The following PROCR variants were observed in gnomAD, a reference collection of about 807,000 sequenced individuals.
PROCR encodes the protein protein C receptor, also known as endothelial protein C receptor.
In PROCR, 22 loss-of-function variants were observed where a neutral mutation model predicts 24.2. The observed-to-expected ratio is 0.91, with a 90% CI of 0.65 to 1.30. PROCR has a LOEUF of 1.30. Ranked by LOEUF, PROCR falls within the 50% of genes most tolerant of loss-of-function variation. The pLI is 0.00. For synonymous variants in PROCR, 137 were observed against 139.2 expected (o/e 0.98, Z 0.11); for missense variants, 288 against 307.7 (o/e 0.94, Z 0.48).
chr20:35,178,772 C>T (rs943074512), downstream of PROCR, among the ~76,000 whole-genome samples: 3 of 146,660 alleles, frequency 2.0e-5, no homozygotes, highest in South Asian at 2.2e-4. Flanking sequence ...ACCTCGGCCT[C>T]CCAAAGTGCT....
At chr20:35,178,506 A>ATTTTTTTTT (rs1568592367), downstream of PROCR, among the ~76,000 whole-genome samples, 1 of 41,536 alleles carries the variant, frequency 2.4e-5, no homozygotes, top group African/African-American at 1.9e-4. Flanking sequence ...TTCAAGTCTC[A>ATTTTTTTTT]GTTTTTTTTT....
intron 1 of PROCR, among the ~76,000 whole-genome samples, chr20:35,188,604 A>G (rs902596103): frequency 1.3e-5 from 2 of 152,252 alleles, no homozygotes; most frequent in Admixed American, 1.3e-4. Flanking sequence ...CTGATATAAT[A>G]GCACAAAGAC....
chr20:35,171,937 G>A (rs1376741503), upstream of PROCR: 6 of 617,532 alleles, frequency 9.7e-6, no homozygotes, highest in Non-Finnish European at 1.8e-5. Context: ...CAGAGGGAGG[G>A]CAGGAGGGAG....
chr20:35,175,200 T>G (rs916487686), intron 2 of PROCR, among the ~76,000 whole-genome samples: 1 of 151,940 alleles, frequency 6.6e-6, no homozygotes, highest in Non-Finnish European at 1.5e-5. Flanking sequence ...GGATAGACCC[T>G]GTTGGAAGGC....
chr20:35,206,217 G>A (rs531654199), intron 1 of PROCR, among the ~76,000 whole-genome samples: 20 of 151,482 alleles, frequency 1.3e-4, no homozygotes, highest in Non-Finnish European at 2.1e-4. Context: ...CCTCATGCCT[G>A]TAATCCCAGC....
chr20:35,182,973 CAAAAAAAAAAAA>C lies in PROCR; in HGVS notation c.94+6542_94+6553del, dbSNP rs71333786. ...TGGGCGACAGAGCGAGACTCCGTCT[CAAAAAAAAAAAA>C]AAAAAAAAAAAAAAGGAAAGAAAGA... On this transcript the variant is annotated intron_variant, in intron 1 of 1. Transcript: ENST00000634509. Among the ~76,000 whole-genome samples the C allele has an allele frequency of 4.6e-3, 510 of 110,758 alleles. 4 individuals are homozygous for C. The highest frequency in any genetic ancestry group is 0.013 in the African/African-American group (440 of 32,950). The allele number at this position is 110,758 out of a possible 152,430, so 72.7% of individuals were successfully genotyped here.
intron 1 of PROCR, among the ~76,000 whole-genome samples, chr20:35,210,992 C>A (rs1369302415): frequency 6.6e-6 from 1 of 152,140 alleles, no homozygotes; most frequent in Non-Finnish European, 1.5e-5. Context: ...GGATTACAGG[C>A]GTGAGCCACC....
intron 1 of PROCR, among the ~76,000 whole-genome samples, chr20:35,197,034 G>A (rs1391411835): frequency 1.3e-5 from 2 of 152,132 alleles, no homozygotes; most frequent in Non-Finnish European, 2.9e-5. Context: ...AAGGTTTATG[G>A]GGCAAGTCTA....
chr20:35,205,279 A>G (rs192144968), intron 1 of PROCR, among the ~76,000 whole-genome samples: 90 of 150,948 alleles, frequency 6.0e-4, no homozygotes, highest in African/African-American at 2.2e-3. Flanking sequence ...TCTCAATAAT[A>G]ATAATAATAA....
intron 1 of PROCR, 151 bp from the exon 2 acceptor site, chr20:35,174,551 G>C (rs950721991): frequency 1.1e-6 from 1 of 932,634 alleles, no homozygotes; most frequent in Admixed American, 1.8e-5. Flanking sequence ...GTTACTGTCA[G>C]CGTCAAACGG....
intron 1 of PROCR, among the ~76,000 whole-genome samples, chr20:35,200,655 G>GT: frequency 6.6e-6 from 1 of 152,076 alleles, no homozygotes; most frequent in African/African-American, 2.4e-5. Flanking sequence ...ATTTATTATT[G>GT]TTTTTCTTTT....
At chr20:35,171,477 C>T (rs1354996658), upstream of PROCR, among the ~76,000 whole-genome samples, 2 of 152,172 alleles carry the variant, frequency 1.3e-5, no homozygotes, top group Non-Finnish European at 2.9e-5. Context: ...AACCAATCAT[C>T]TTCTGAGATT....
At chr20:35,215,031 T>A (rs1205085331) in intron 1 of PROCR, among the ~76,000 whole-genome samples, 1 of 150,884 alleles carries the variant, frequency 6.6e-6, no homozygotes, top group Non-Finnish European at 1.5e-5. Flanking sequence ...CTCGGCCTCC[T>A]GAGTAGCTGG....
chr20:35,185,676 C>A (rs1166320946), intron 1 of PROCR, among the ~76,000 whole-genome samples: 1 of 152,066 alleles, frequency 6.6e-6, no homozygotes, highest in Admixed American at 6.6e-5. Flanking sequence ...TATGTGGGAG[C>A]TAAGCGATGA....
rs1336590875 is a variant in PROCR at position 35,174,721 on chromosome 20, G to A, written c.90G>A (p.Met30Ile). ...CCGCAGGCCTCCAAAGACTTCATAT[G>A]CTCCAGATCTCCTACTTCCGCGACC... is the stretch of plus-strand genomic sequence containing the variant. ...DASDGLQRLH[M>I]LQISYFRDPY... Residue 30 changes from methionine (M) to isoleucine (I), a missense_variant, in exon 2 of 4, where the codon ATG becomes ATA. Physicochemically the swap from Met to Ile is conservative, Grantham distance 10. Transcript: ENST00000216968. 1 of 1,614,074 alleles carries A rather than the reference G, an allele frequency of 6.2e-7. No homozygotes were observed. The highest frequency in any genetic ancestry group is 8.5e-7 in the Non-Finnish European group (1 of 1,180,022).
chr20:35,205,786 T>C (rs187832529), intron 1 of PROCR, among the ~76,000 whole-genome samples: 1,354 of 134,744 alleles, frequency 0.01, 78 homozygotes, highest in African/African-American at 0.036. Flanking sequence ...TATATATATA[T>C]ATGTATATAT....
chr20:35,178,406 T>TC (rs112022779), downstream of PROCR, among the ~76,000 whole-genome samples: 12,703 of 108,144 alleles, frequency 0.12, 1,857 homozygotes, highest in African/African-American at 0.32. Context: ...TCTTTTTTTT[T>TC]TTAATTCTAA....
intron 1 of PROCR, among the ~76,000 whole-genome samples, chr20:35,215,700 T>G (rs1244322173): frequency 6.6e-6 from 1 of 152,164 alleles, no homozygotes; most frequent in Non-Finnish European, 1.5e-5. Flanking sequence ...GGTAGGTCAC[T>G]TCTCTCACCC....
chr20:35,215,066 C>T (rs1450591832), intron 1 of PROCR, among the ~76,000 whole-genome samples: 3 of 152,058 alleles, frequency 2.0e-5, no homozygotes, highest in Non-Finnish European at 4.4e-5. Context: ...GCCACCAAGC[C>T]AGGCTAATTT....
Sources: gnomAD v4.1 joint callset for allele counts (sites outside exome capture counted in the v4.1 genomes callset) on GRCh38, gnomAD v4.1.1 for gene constraint, MANE v1.5 for transcripts, NCBI Gene and HGNC (gene_info 2026-07-23, HGNC 2026-07-21) for gene names.